DZIP1: variants seen among roughly 807,000 people sequenced by gnomAD.
DZIP1 encodes the protein cilium assembly protein DZIP1.
A neutral mutation model predicts 107.6 loss-of-function variants in DZIP1; 97 were observed. The ratio of observed to expected loss-of-function variants is 0.90; its 90% CI spans 0.77 to 1.07. DZIP1 has a LOEUF of 1.07. DZIP1 is among the 50% of genes least tolerant of loss of function. The pLI is 0.00. For missense variants in DZIP1, 1,035 were observed against 1,063.6 expected (o/e 0.97, Z 0.37); for synonymous variants, 390 against 386.4 (o/e 1.01, Z -0.11).
At chr13:95,601,653 C>T (rs1294798138) in intron 14 of DZIP1, among the ~76,000 whole-genome samples, 1 of 152,182 alleles carries the variant, frequency 6.6e-6, no homozygotes, top group Non-Finnish European at 1.5e-5. Context: ...CAGGCAAAGC[C>T]CCTAAGCCCA....
chr13:95,589,760 A>G (rs374817632), intron 18 of DZIP1, 43 bp downstream of exon 18: 128 of 1,590,152 alleles, frequency 8.0e-5, no homozygotes, highest in Non-Finnish European at 1.8e-5. Flanking sequence ...GCCTGAGCTA[A>G]GACAAACACT....
chr13:95,621,773 A>T (rs771818992), intron 9 of DZIP1, among the ~76,000 whole-genome samples: 1 of 148,540 alleles, frequency 6.7e-6, no homozygotes, highest in African/African-American at 2.5e-5. Context: ...ACTGGAGTGC[A>T]ATGGCGTGAT....
intron 14 of DZIP1, among the ~76,000 whole-genome samples, chr13:95,605,639 C>T (rs559868042): frequency 6.6e-5 from 10 of 152,332 alleles, no homozygotes; most frequent in South Asian, 2.1e-4. Context: ...CAACCACATA[C>T]GCCCTGTGGC....
At chr13:95,638,636 AACACACACAC>A (rs3051404) in intron 5 of DZIP1, among the ~76,000 whole-genome samples, 1 of 149,778 alleles carries the variant, frequency 6.7e-6, no homozygotes, top group South Asian at 2.1e-4. Context: ...CCTTATACAC[AACACACACAC>A]ACACACACAC....
At chr13:95,583,809 A>G (rs2044070849) in intron 22 of DZIP1, among the ~76,000 whole-genome samples, 1 of 152,024 alleles carries the variant, frequency 6.6e-6, no homozygotes, top group Admixed American at 6.5e-5. Flanking sequence ...TGAAGAGAAT[A>G]CGTGTATAGA....
In DZIP1 at chr13:95,641,896, G is replaced by T. The variant is rs1369824394; in HGVS notation, c.37-41C>A. 3 of 1,444,166 alleles carry T rather than the reference G, an allele frequency of 2.1e-6. No homozygotes were observed. The highest frequency in any genetic ancestry group is 2.8e-5 in the East Asian group (1 of 36,250). 89.5% of individuals were successfully genotyped at this position (1,444,166 alleles called of 1,614,324 possible). On this transcript the variant is annotated intron_variant, in intron 4 of 22. Transcript: ENST00000376829. This position sits in a 1 kb window ranked among gnomAD's most constrained non-coding sequence, Gnocchi z 4.3. ...AGAGAGCGCGGCGGGAGGCGGGGAT[G>T]GGGGGCGGGCAGGCTGGGGAGCTGG... is the stretch of plus-strand genomic sequence containing the variant.
intron 11 of DZIP1, 51 bp from the exon 12 acceptor site, chr13:95,611,544 A>C (rs891559403): frequency 7.3e-7 from 1 of 1,373,454 alleles, no homozygotes; most frequent in Non-Finnish European, 1.0e-6. Context: ...AGATAGGGAC[A>C]CACACATGGG....
Position 95,582,173 on chromosome 13 carries a change from A to G in DZIP1, c.*61T>C. 1.3e-6 allele frequency: 2 copies of G among 1,527,092 alleles called. No individual in the cohort carries two copies. Among genetic ancestry groups the G allele is most frequent in the Non-Finnish European group, 1.8e-6 (2 of 1,101,440 alleles). The allele number at this position is 1,527,092 out of a possible 1,614,324, so 94.6% of individuals were successfully genotyped here. ...AGCACTAGAATCATGGAGGCAAATTACTGAAACACTGTGATACTGAAATAC... is the reference window on the plus strand; with the variant it reads ...AGCACTAGAATCATGGAGGCAAATTGCTGAAACACTGTGATACTGAAATAC... On this transcript the variant is annotated 3_prime_UTR_variant, in exon 23 of 23. Transcript: ENST00000376829.
intron 7 of DZIP1, among the ~76,000 whole-genome samples, chr13:95,629,723 T>C (rs1354631506): frequency 6.6e-6 from 1 of 152,202 alleles, no homozygotes; most frequent in Non-Finnish European, 1.5e-5. Flanking sequence ...GTGTCAGACT[T>C]CTGTTCTAAG....
At chr13:95,637,645 T>C (rs1013544759) in intron 5 of DZIP1, among the ~76,000 whole-genome samples, 1 of 132,480 alleles carries the variant, frequency 7.5e-6, no homozygotes, top group African/African-American at 2.8e-5. Flanking sequence ...TCTCTCTCTC[T>C]CCAAACACAG....
In DZIP1 at chr13:95,590,414, A is replaced by T. The variant is rs776023537; in HGVS notation, c.1708T>A (p.Leu570Met). 6.2e-7 allele frequency: 1 copy of T among 1,610,130 alleles called. No individual in the cohort carries two copies. Among genetic ancestry groups the T allele is most frequent in the Admixed American group, 1.7e-5 (1 of 58,994 alleles). Residue 570 changes from leucine (L) to methionine (M), a missense_variant, in exon 17 of 23, where the codon TTG becomes ATG. Leu to Met is a conservative substitution (Grantham distance 15). Transcript: ENST00000376829. ...ADIRGISSDQLHRVLKSVESE... is the reference protein window; with the variant it reads ...ADIRGISSDQMHRVLKSVESE... ...TCCACACTTTTTAGTACTCTATGCA[A>T]CTGATCACTTGAAATGCCACGTATA...
Position 95,581,934 on chromosome 13 carries a change from A to T in DZIP1, c.*300T>A, listed in dbSNP as rs2044019019. ...TTCACTAAAAAATTAGTTGAAAAAA[A>T]TACACTTAACACTAGAGTACCTTTC... On this transcript the variant is annotated 3_prime_UTR_variant, in exon 23 of 23. Coordinates refer to ENST00000376829, the MANE Select transcript of DZIP1 (RefSeq NM_198968.4). 1 of 238,680 alleles carries T rather than the reference A, an allele frequency of 4.2e-6. No individual in the cohort carries two copies. Among genetic ancestry groups the T allele is most frequent in the African/African-American group, 2.2e-5 (1 of 44,688 alleles). The allele number at this position is 238,680 out of a possible 1,614,324, so 14.8% of individuals were successfully genotyped here.
At chr13:95,618,178 T>A (rs1438113656) in intron 10 of DZIP1, among the ~76,000 whole-genome samples, 1 of 152,184 alleles carries the variant, frequency 6.6e-6, no homozygotes, top group Non-Finnish European at 1.5e-5. Flanking sequence ...TCTGCATTTA[T>A]CCCATCCTGA....
chr13:95,600,600 A>G (rs1434315168), intron 14 of DZIP1, among the ~76,000 whole-genome samples: 1 of 144,738 alleles, frequency 6.9e-6, no homozygotes, highest in Non-Finnish European at 1.5e-5. Context: ...TGATAGATAG[A>G]TAGATAGATA....
chr13:95,622,358 C>G lies in DZIP1; in HGVS notation c.1095G>C (p.Gln365His). ...TTGCACGTACCTGACTATCAAGAAG[C>G]TGCATGACATTATGGAAATCCTGGG... ...PYPQDFHNVM[Q>H]LLDSQESKWT... Residue 365 changes from glutamine (Q) to histidine (H), a missense_variant, in exon 9 of 23, where the codon CAG (glutamine) becomes CAC (histidine). By Grantham distance (24) the Gln-to-His change is conservative (BLOSUM62 0). Coordinates refer to ENST00000376829, the MANE Select transcript of DZIP1 (RefSeq NM_198968.4). The G allele has an allele frequency of 6.2e-7, 1 of 1,614,200 alleles. No homozygotes were observed. The highest frequency in any genetic ancestry group is 8.5e-7 in the Non-Finnish European group (1 of 1,180,020).
At chr13:95,600,735 A>T (rs1480571992) in intron 14 of DZIP1, among the ~76,000 whole-genome samples, 3 of 152,150 alleles carry the variant, frequency 2.0e-5, no homozygotes, top group Non-Finnish European at 4.4e-5. Context: ...GGAGAAACGC[A>T]TCTTAAACTA....
At chr13:95,615,623 A>G (rs1874953758) in intron 10 of DZIP1, among the ~76,000 whole-genome samples, 2 of 152,234 alleles carry the variant, frequency 1.3e-5, no homozygotes, top group African/African-American at 2.4e-5. Flanking sequence ...TTACCATGTC[A>G]GAGCATCCAA....
intron 16 of DZIP1, among the ~76,000 whole-genome samples, chr13:95,592,119 G>A (rs938270568): frequency 2.6e-5 from 4 of 152,112 alleles, no homozygotes; most frequent in African/African-American, 9.7e-5. Context: ...TTCAACAAAT[G>A]ATATTGGGAC....
intron 10 of DZIP1, among the ~76,000 whole-genome samples, chr13:95,616,396 C>T (rs1254506479): frequency 6.6e-6 from 1 of 152,162 alleles, no homozygotes; most frequent in African/African-American, 2.4e-5. Flanking sequence ...TAGCTAGCTA[C>T]CTTCCACATT....
Sources: allele counts gnomAD v4.1 joint callset (sites outside exome capture counted in the v4.1 genomes callset), GRCh38; gene constraint gnomAD v4.1.1; non-coding constraint Gnocchi (gnomAD v3.1); transcripts MANE v1.5; gene names NCBI Gene and HGNC (gene_info 2026-07-23, HGNC 2026-07-21).